Variants in ZRANB3 observed in about 807,000 individuals in gnomAD.
ZRANB3 encodes the protein DNA annealing helicase and endonuclease ZRANB3.
ZRANB3 carries 125 observed loss-of-function variants against 133.8 expected under a neutral mutation model. The observed-to-expected ratio is 0.93, with a 90% CI of 0.81 to 1.08. The LOEUF is 1.08. ZRANB3 is among the 50% of genes least tolerant of loss of function. The pLI is 0.00. For synonymous variants in ZRANB3, 387 were observed against 432.7 expected, an observed-to-expected ratio of 0.89 and a Z score of 1.31; for missense variants, 1,229 against 1,275.5, an observed-to-expected ratio of 0.96 and a Z score of 0.56.
At chr2:135,433,354 T>C (rs1449815586) in intron 2 of ZRANB3, among the ~76,000 whole-genome samples, 2 of 151,778 alleles carry the variant, frequency 1.3e-5, no homozygotes, top group Non-Finnish European at 1.5e-5. Context: ...ACCAATGCAC[T>C]CCAGCACGGG....
chr2:135,518,548 C>T (rs756232795), intron 1 of ZRANB3, among the ~76,000 whole-genome samples: 30 of 152,164 alleles, frequency 2.0e-4, no homozygotes, highest in Non-Finnish European at 3.1e-4. Flanking sequence ...GATGAGGAAA[C>T]GCCCCACCCT....
At chr2:135,259,526 C>A (rs1457807685) in intron 12 of ZRANB3, among the ~76,000 whole-genome samples, 1 of 152,192 alleles carries the variant, frequency 6.6e-6, no homozygotes, top group Non-Finnish European at 1.5e-5. Context: ...TCAAGCGATT[C>A]TCCTGCCTCA....
rs565929513 is a variant in ZRANB3, at chr2:135,308,421, C to T, written c.966+5068G>A. Among the ~76,000 whole-genome samples, 6 of 152,200 alleles carry T rather than the reference C, an allele frequency of 3.9e-5. No homozygotes were observed. The East Asian group carries it at 5.8e-4, about 15-fold the overall frequency. On this transcript the variant is annotated intron_variant, in intron 8 of 20. Coordinates refer to ENST00000264159, the MANE Select transcript of ZRANB3 (RefSeq NM_032143.4). ...GTAAGAAAGGGGTATTGAAAATAGGCAGAGTTTTGAACTTCTGCTCCACTA... is the reference window on the plus strand; with the variant it reads ...GTAAGAAAGGGGTATTGAAAATAGGTAGAGTTTTGAACTTCTGCTCCACTA...
chr2:135,406,364 T>C (rs902048604), intron 2 of ZRANB3, among the ~76,000 whole-genome samples: 1 of 152,110 alleles, frequency 6.6e-6, no homozygotes, highest in Non-Finnish European at 1.5e-5. Context: ...CAGGACCAGA[T>C]GGATTCACAG....
intron 3 of ZRANB3, among the ~76,000 whole-genome samples, chr2:135,354,465 T>C (rs1423224760): frequency 1.3e-5 from 2 of 152,192 alleles, no homozygotes; most frequent in African/African-American, 4.8e-5. Context: ...ATTTAAAAAG[T>C]AGTCACTTAG....
At chr2:135,403,552 C>G (rs1392629509) in intron 2 of ZRANB3, among the ~76,000 whole-genome samples, 1 of 152,236 alleles carries the variant, frequency 6.6e-6, no homozygotes, top group African/African-American at 2.4e-5. Context: ...CAAAAGGCAG[C>G]AGAATCCTCT....
intron 14 of ZRANB3, 23 bp from the exon 15 acceptor site, chr2:135,224,540 A>G: frequency 6.3e-7 from 1 of 1,579,518 alleles, no homozygotes; most frequent in East Asian, 2.2e-5. Context: ...ACAAAAGAGA[A>G]CCTGAAGGCT....
At chr2:135,501,891 C>A (rs902009821) in intron 2 of ZRANB3, among the ~76,000 whole-genome samples, 1 of 152,080 alleles carries the variant, frequency 6.6e-6, no homozygotes, top group Non-Finnish European at 1.5e-5. Flanking sequence ...CCAAGCTCGG[C>A]CATTTTGTAA....
At chr2:135,338,131 A>T (rs920590408) in intron 6 of ZRANB3, among the ~76,000 whole-genome samples, 16 of 152,246 alleles carry the variant, frequency 1.1e-4, no homozygotes, top group Admixed American at 1.0e-3. Flanking sequence ...TGAATTTAGC[A>T]GATGAATGAT....
intron 12 of ZRANB3, among the ~76,000 whole-genome samples, chr2:135,252,551 T>C (rs940438659): frequency 7.2e-5 from 11 of 152,184 alleles, no homozygotes; most frequent in African/African-American, 2.4e-4. Flanking sequence ...GTCTAGTGTG[T>C]ACCTATGTAC....
At chr2:135,422,686 T>C in intron 2 of ZRANB3, among the ~76,000 whole-genome samples, 1 of 151,950 alleles carries the variant, frequency 6.6e-6, no homozygotes, top group East Asian at 1.9e-4. Flanking sequence ...GCCCAGAAAA[T>C]GACAGAAAAA....
chr2:135,229,468 C>G (rs531340818), intron 13 of ZRANB3, among the ~76,000 whole-genome samples: 3 of 150,914 alleles, frequency 2.0e-5, no homozygotes, highest in African/African-American at 7.3e-5. Flanking sequence ...CCCGGGTTCA[C>G]GCCATTCTCC....
chr2:135,288,698 T>C (rs1573837330), intron 8 of ZRANB3, among the ~76,000 whole-genome samples: 1 of 152,128 alleles, frequency 6.6e-6, no homozygotes, highest in Admixed American at 6.6e-5. Context: ...CACATAAAGG[T>C]GTTAACAGCA....
intron 13 of ZRANB3, among the ~76,000 whole-genome samples, chr2:135,230,190 A>ATATTTGCT (rs1694933948): frequency 6.6e-6 from 1 of 152,234 alleles, no homozygotes; most frequent in South Asian, 2.1e-4. Flanking sequence ...AGTATAAGGC[A>ATATTTGCT]TATTTGCTAC....
Position 135,204,650 on chromosome 2 carries a change from A to AATAT in ZRANB3, c.3010-1691_3010-1688dup, listed in dbSNP as rs1553454876. Among the ~76,000 whole-genome samples, 82 of 141,752 alleles carry AATAT rather than the reference A, an allele frequency of 5.8e-4. No individual in the cohort carries two copies. In the South Asian group the frequency reaches 0.012, roughly 22 times the overall value. 93.0% of individuals were successfully genotyped at this position (141,752 alleles called of 152,430 possible). On this transcript the variant is annotated intron_variant, in intron 19 of 20. Coordinates refer to ENST00000264159, the MANE Select transcript of ZRANB3 (RefSeq NM_032143.4). ...CCCAGACCCAATCTCAAAAAAAAAA[A>AATAT]ATATATATATATACATATATATATA...
intron 19 of ZRANB3, among the ~76,000 whole-genome samples, chr2:135,204,203 C>T (rs896550589): frequency 4.6e-5 from 7 of 152,122 alleles, no homozygotes; most frequent in Non-Finnish European, 2.9e-5. Context: ...CCTGCCTTAC[C>T]TTCTCTTCTG....
intron 12 of ZRANB3, among the ~76,000 whole-genome samples, chr2:135,260,871 TAATA>T (rs1679928790): frequency 6.9e-6 from 1 of 145,832 alleles, no homozygotes; most frequent in Non-Finnish European, 1.5e-5. Flanking sequence ...TTGATATATA[TAATA>T]TATACTATAT....
At chr2:135,333,761 T>C (rs78294702) in intron 6 of ZRANB3, among the ~76,000 whole-genome samples, 4,989 of 152,282 alleles carry the variant, frequency 0.033, 268 homozygotes, top group African/African-American at 0.11. Context: ...TTAGAATGTA[T>C]TGAAAGTCAC....
intron 2 of ZRANB3, among the ~76,000 whole-genome samples, chr2:135,420,929 G>A (rs913301759): frequency 4.6e-5 from 7 of 152,044 alleles, no homozygotes; most frequent in African/African-American, 1.7e-4. Context: ...AAAATATAAT[G>A]CTGTTTACTT....
Sources: gnomAD v4.1 joint callset for allele counts (sites outside exome capture counted in the v4.1 genomes callset) on GRCh38, gnomAD v4.1.1 for gene constraint, MANE v1.5 for transcripts, NCBI Gene and HGNC (gene_info 2026-07-23, HGNC 2026-07-21) for gene names.